The following SIAH1 variants were observed in gnomAD, a reference collection of about 807,000 sequenced individuals.
SIAH1 encodes siah E3 ubiquitin protein ligase 1.
Under a neutral mutation model 20.0 loss-of-function variants are expected in SIAH1, and 2 were observed. The observed-to-expected ratio is 0.10, with a 90% CI of 0.04 to 0.31. SIAH1 has a LOEUF of 0.31. SIAH1 is among the 10% of genes least tolerant of loss of function. The pLI is 1.00. For missense variants in SIAH1, 119 were observed against 355.3 expected, an observed-to-expected ratio of 0.33 and a Z score of 5.35; for synonymous variants, 118 against 125.3, an observed-to-expected ratio of 0.94 and a Z score of 0.39.
chr16:48,375,881 G>C (rs1275969984), intron 1 of SIAH1, among the ~76,000 whole-genome samples: 1 of 152,196 alleles, frequency 6.6e-6, no homozygotes, highest in African/African-American at 2.4e-5. Context: ...CAGACAAAGG[G>C]AGAGCAAGCC....
chr16:48,375,973 C>T (rs182962368), intron 1 of SIAH1, among the ~76,000 whole-genome samples: 19 of 152,224 alleles, frequency 1.2e-4, no homozygotes, highest in African/African-American at 3.6e-4. Context: ...CAGAGACTGT[C>T]GGCACAAATT....
intron 1 of SIAH1, among the ~76,000 whole-genome samples, chr16:48,368,227 A>T (rs1009729581): frequency 3.3e-5 from 5 of 152,228 alleles, no homozygotes; most frequent in African/African-American, 1.2e-4. Context: ...GAGGGCTACA[A>T]CATCAGACCA....
intron 1 of SIAH1, among the ~76,000 whole-genome samples, chr16:48,368,302 T>C (rs1597024482): frequency 6.6e-6 from 1 of 152,212 alleles, no homozygotes; most frequent in African/African-American, 2.4e-5. Flanking sequence ...AAGGGGACAA[T>C]AAACTGCTTT....
intron 1 of SIAH1, among the ~76,000 whole-genome samples, chr16:48,377,816 A>C (rs1961153241): frequency 6.6e-6 from 1 of 152,106 alleles, no homozygotes; most frequent in South Asian, 2.1e-4. Flanking sequence ...GGCAGCTCAC[A>C]CCTGTAATCC....
chr16:48,373,731 T>C (rs1961037634), intron 1 of SIAH1, among the ~76,000 whole-genome samples: 1 of 152,242 alleles, frequency 6.6e-6, no homozygotes, highest in Non-Finnish European at 1.5e-5. Context: ...ATCTCTGCTC[T>C]ACACCCTCCG....
At chr16:48,366,259 G>A (rs1960837709) in intron 1 of SIAH1, among the ~76,000 whole-genome samples, 3 of 152,214 alleles carry the variant, frequency 2.0e-5, no homozygotes, top group African/African-American at 2.4e-5. Flanking sequence ...TGGGAAATGC[G>A]TGGCCACACT....
chr16:48,377,309 C>T (rs958905605), intron 1 of SIAH1, among the ~76,000 whole-genome samples: 5 of 151,904 alleles, frequency 3.3e-5, no homozygotes, highest in African/African-American at 1.2e-4. Context: ...GACTGGGCAA[C>T]CACAAACCTA....
At chr16:48,369,476 T>C (rs565435162) in intron 1 of SIAH1, among the ~76,000 whole-genome samples, 1 of 152,186 alleles carries the variant, frequency 6.6e-6, no homozygotes, top group African/African-American at 2.4e-5. Flanking sequence ...TGGTGGCTCA[T>C]ACCTGTAATC....
At chr16:48,384,121 T>C (rs1232837731) in intron 1 of SIAH1, among the ~76,000 whole-genome samples, 1 of 152,206 alleles carries the variant, frequency 6.6e-6, no homozygotes. Context: ...TCACAGCCCG[T>C]GCTCTCAACA....
In SIAH1 at chr16:48,385,231, C is replaced by G. The variant is rs1422001436; in HGVS notation, c.-30G>C. On this transcript the variant is annotated 5_prime_UTR_variant, in exon 1 of 2. Coordinates refer to ENST00000394725, the MANE Select transcript of SIAH1 (RefSeq NM_003031.4). ...GTGGGCGGAGAGCGCGCCTCGGACC[C>G]CGGTCCTGGCACCAACGCGCTCCGT... 1 of 328,892 alleles carries G rather than the reference C, an allele frequency of 3.0e-6. No homozygotes were observed. The highest frequency in any genetic ancestry group is 6.4e-6 in the Non-Finnish European group (1 of 156,248). 20.4% of individuals were successfully genotyped at this position (328,892 alleles called of 1,614,324 possible). A position where few individuals can be genotyped will look rare whatever the true frequency, so the allele number is the denominator to read the frequency against.
At chr16:48,381,002 A>G (rs980811390) in intron 1 of SIAH1, among the ~76,000 whole-genome samples, 1 of 151,242 alleles carries the variant, frequency 6.6e-6, no homozygotes, top group African/African-American at 2.4e-5. Context: ...ATACAGAGCA[A>G]CAGGAACGCT....
rs544369413 is a variant in SIAH1, at chr16:48,361,515, T to TG, written c.*64dup. The TG allele has an allele frequency of 4.6e-4, 710 of 1,544,268 alleles. 1 individual carries two copies. The highest frequency in any genetic ancestry group is 6.2e-4 in the Admixed American group (37 of 59,742). On this transcript the variant is annotated 3_prime_UTR_variant, in exon 2 of 2. Coordinates refer to ENST00000394725, the MANE Select transcript of SIAH1 (RefSeq NM_003031.4). ...AAAGAGTTTTAGGTTGGCAGACAGA[T>TG]GGGTGCCTTATTTTCTGTGAAACTG...
In SIAH1 at chr16:48,361,549, A is replaced by C. The variant is rs374506931; in HGVS notation, c.*31T>G. ...TATTTTCTGTGAAACTGAAGTTTTA[A>C]ACACTGGCCAGAAAATGTTTGATTG... On this transcript the variant is annotated 3_prime_UTR_variant, in exon 2 of 2. Coordinates refer to ENST00000394725, the MANE Select transcript of SIAH1 (RefSeq NM_003031.4). 2.5e-6 allele frequency: 4 copies of C among 1,603,848 alleles called. No homozygotes were observed. The highest frequency in any genetic ancestry group is 1.7e-4 in the Middle Eastern group (1 of 6,052).
Position 48,361,188 on chromosome 16 carries a change from C to T in SIAH1, c.*392G>A, listed in dbSNP as rs1960572907. On this transcript the variant is annotated 3_prime_UTR_variant, in exon 2 of 2. Transcript: ENST00000394725. ...AGTGGCCCATGACCACTCAAGATGG[C>T]TTGTCAGTTAAAGGAAAAAAACCCA... is the stretch of plus-strand genomic sequence containing the variant. 1 of 198,448 alleles carries T rather than the reference C, an allele frequency of 5.0e-6. No individual in the cohort carries two copies. The highest frequency in any genetic ancestry group is 2.4e-5 in the African/African-American group (1 of 42,136). 12.3% of individuals were successfully genotyped at this position (198,448 alleles called of 1,614,324 possible). A position where few individuals can be genotyped will look rare whatever the true frequency, so the allele number is the denominator to read the frequency against.
chr16:48,365,743 T>C (rs527882521), intron 1 of SIAH1: 176 of 1,375,058 alleles, frequency 1.3e-4, no homozygotes, highest in Non-Finnish European at 1.6e-4. Flanking sequence ...CAATGTGCCC[T>C]AAGCTTTCGT....
At chr16:48,366,901 C>A (rs545089794) in intron 1 of SIAH1, among the ~76,000 whole-genome samples, 47 of 152,290 alleles carry the variant, frequency 3.1e-4, no homozygotes, top group Non-Finnish European at 5.4e-4. Context: ...GTCAGCCCCA[C>A]AACTACTTTT....
chr16:48,379,868 G>C (rs1416175585), intron 1 of SIAH1, among the ~76,000 whole-genome samples: 1 of 152,174 alleles, frequency 6.6e-6, no homozygotes, highest in African/African-American at 2.4e-5. Context: ...TGGCAGGGGA[G>C]TAACAAGAGA....
intron 1 of SIAH1, among the ~76,000 whole-genome samples, chr16:48,376,331 A>C (rs565853774): frequency 3.3e-5 from 5 of 152,238 alleles, no homozygotes; most frequent in Non-Finnish European, 7.3e-5. Context: ...TAACTTCTAC[A>C]GAACATCAAA....
chr16:48,364,078 T>C (rs1282624563), intron 1 of SIAH1, among the ~76,000 whole-genome samples: 2 of 149,128 alleles, frequency 1.3e-5, no homozygotes, highest in East Asian at 2.0e-4. Context: ...GCCTCCCAAG[T>C]AGCTGGGATT....
Sources: allele counts gnomAD v4.1 joint callset (sites outside exome capture counted in the v4.1 genomes callset), GRCh38; gene constraint gnomAD v4.1.1; transcripts MANE v1.5; gene names NCBI Gene and HGNC (gene_info 2026-07-23, HGNC 2026-07-21).